ST7L: variants seen among roughly 807,000 people sequenced by gnomAD.
ST7L encodes suppressor of tumorigenicity 7 protein-like.
ST7L carries 57 observed loss-of-function variants against 72.5 expected under a neutral mutation model. The observed-to-expected ratio is 0.79, with a 90% CI of 0.64 to 0.98. The LOEUF (loss-of-function observed/expected upper bound fraction) is 0.98. ST7L is among the 50% of genes least tolerant of loss of function. ST7L has a pLI of 0.00. For missense variants in ST7L, 576 were observed against 672.2 expected (o/e 0.86, Z 1.58); for synonymous variants, 221 against 240.9 (o/e 0.92, Z 0.77).
Position 112,555,911 on chromosome 1 carries a change from T to G in ST7L, c.1353A>C (p.Arg451=). 1 of 1,611,950 alleles carries G rather than the reference T, an allele frequency of 6.2e-7. No individual in the cohort carries two copies. The highest frequency in any genetic ancestry group is 8.5e-7 in the Non-Finnish European group (1 of 1,178,860). Residue 451 remains arginine (R), a synonymous_variant, in exon 12 of 15, where the codon CGA becomes CGC. Coordinates refer to ENST00000358039, the MANE Select transcript of ST7L (RefSeq NM_017744.5). ...GTAACAGATTAAGAGCACCTTCTATTCGTTTCCAGTGCTGAAGATGAAAGA... is the reference window on the plus strand; with the variant it reads ...GTAACAGATTAAGAGCACCTTCTATGCGTTTCCAGTGCTGAAGATGAAAGA... ...YAFFHLQHWK[R]IEGALNLLQC...
intron 4 of ST7L, among the ~76,000 whole-genome samples, chr1:112,599,925 C>G (rs1667135577): frequency 6.6e-6 from 1 of 152,122 alleles, no homozygotes; most frequent in South Asian, 2.1e-4. Context: ...TAAACACAGG[C>G]TATGTGTGGT....
At chr1:112,615,343 A>G (rs140981188) in intron 2 of ST7L, among the ~76,000 whole-genome samples, 149 of 152,328 alleles carry the variant, frequency 9.8e-4, no homozygotes, top group African/African-American at 3.5e-3. Context: ...TTAAGTGTAC[A>G]TTCTGAACCA....
chr1:112,606,967 G>GGACACATTTCAGTCTACAACATGTT (rs1553257548), intron 3 of ST7L: 1 of 151,956 alleles, frequency 6.6e-6, no homozygotes. Flanking sequence ...GAATTTTGGG[G>GGACACATTTCAGTCTACAACATGTT]GACACATTTC....
chr1:112,611,643 T>C lies in ST7L; in HGVS notation c.289-640A>G, dbSNP rs534511135. On this transcript the variant is annotated intron_variant, in intron 2 of 14. Coordinates refer to ENST00000358039, the MANE Select transcript of ST7L (RefSeq NM_017744.5). The stretch of plus-strand genomic sequence containing the variant: ...CTATTTCCATGGTTTATCACTGATA[T>C]AAAAAGAGAAACCAGGCCAGACACG... 1.3e-4 allele frequency among the ~76,000 whole-genome samples: 20 copies of C among 152,202 alleles called. 1 individual carries two copies. The highest frequency in any genetic ancestry group is 3.9e-4 in the Admixed American group (6 of 15,274).
intron 11 of ST7L, among the ~76,000 whole-genome samples, chr1:112,565,277 C>T (rs1255077633): frequency 1.5e-5 from 2 of 136,640 alleles, no homozygotes; most frequent in African/African-American, 5.8e-5. Context: ...ACCATGTCGG[C>T]CAGGCTGGTC....
chr1:112,602,718 T>C (rs967402261), intron 3 of ST7L, among the ~76,000 whole-genome samples: 105 of 147,012 alleles, frequency 7.1e-4, no homozygotes, highest in African/African-American at 2.5e-3. Flanking sequence ...TCTTTCTTTT[T>C]TTTTTTTTTT....
At chr1:112,591,337 A>G (rs1307120712) in intron 6 of ST7L, 188 bp downstream of exon 6, 2 of 552,856 alleles carry the variant, frequency 3.6e-6, no homozygotes, top group African/African-American at 3.9e-5. Flanking sequence ...AAGCATATAT[A>G]GATTTACAAT....
chr1:112,536,204 T>C (rs1156321290), intron 14 of ST7L, among the ~76,000 whole-genome samples: 3 of 152,178 alleles, frequency 2.0e-5, no homozygotes, highest in Non-Finnish European at 4.4e-5. Context: ...AAAAGTCTCA[T>C]AGCTTTGAAA....
the ST7L span, chr1:112,518,301 T>A: frequency 6.6e-6 from 1 of 152,344 alleles, no homozygotes; most frequent in East Asian, 1.9e-4. Flanking sequence ...CTCTGGTTAT[T>A]GCTGTGGGGC....
At chr1:112,612,899 C>T (rs1239121214) in intron 2 of ST7L, among the ~76,000 whole-genome samples, 1 of 151,996 alleles carries the variant, frequency 6.6e-6, no homozygotes, top group Non-Finnish European at 1.5e-5. Flanking sequence ...GGGAGGATCA[C>T]TTGAGGCTGG....
intron 9 of ST7L, among the ~76,000 whole-genome samples, chr1:112,579,418 G>T (rs1209890211): frequency 6.7e-6 from 1 of 148,426 alleles, no homozygotes; most frequent in Non-Finnish European, 1.5e-5. Context: ...AAAAAAACCT[G>T]CTTATAGTAA....
intron 11 of ST7L, among the ~76,000 whole-genome samples, chr1:112,568,882 ATATAT>A (rs1202726294): frequency 7.9e-5 from 11 of 139,176 alleles, no homozygotes; most frequent in Middle Eastern, 3.7e-3. Flanking sequence ...ATATATATAT[ATATAT>A]AAAACAAAAA....
chr1:112,540,263 T>C (rs1446275549), intron 14 of ST7L: 1 of 985,418 alleles, frequency 1.0e-6, no homozygotes, highest in Non-Finnish European at 1.2e-6. Context: ...ATCTCTCCCA[T>C]TGCTTGCCTG....
At chr1:112,594,080 G>A (rs1183205692) in intron 5 of ST7L, among the ~76,000 whole-genome samples, 1 of 151,898 alleles carries the variant, frequency 6.6e-6, no homozygotes, top group East Asian at 1.9e-4. Context: ...AACTTCTAAA[G>A]CTTCAACTTT....
intron 10 of ST7L, among the ~76,000 whole-genome samples, chr1:112,577,590 A>G (rs901634121): frequency 1.3e-5 from 2 of 151,920 alleles, no homozygotes; most frequent in Admixed American, 1.3e-4. Context: ...GAAAAAACAA[A>G]GCAGCATAAG....
At chr1:112,530,478 G>T (rs535417344) in intron 14 of ST7L, among the ~76,000 whole-genome samples, 1 of 152,144 alleles carries the variant, frequency 6.6e-6, no homozygotes, top group African/African-American at 2.4e-5. Context: ...GCAGTGGCGT[G>T]ATCTTGGCTC....
intron 6 of ST7L, among the ~76,000 whole-genome samples, chr1:112,587,048 C>T (rs1370567876): frequency 6.6e-6 from 1 of 152,104 alleles, no homozygotes; most frequent in Non-Finnish European, 1.5e-5. Flanking sequence ...TTTTCTTTTG[C>T]TGCTTGTACT....
chr1:112,614,238 AAAAC>A (rs61698183), intron 2 of ST7L, among the ~76,000 whole-genome samples: 1 of 151,012 alleles, frequency 6.6e-6, no homozygotes, highest in Non-Finnish European at 1.5e-5. Context: ...TAGTTTCTTT[AAAAC>A]AAACAAACAA....
At chr1:112,543,001 T>C (rs995577774) in intron 13 of ST7L, among the ~76,000 whole-genome samples, 1 of 152,038 alleles carries the variant, frequency 6.6e-6, no homozygotes, top group Non-Finnish European at 1.5e-5. Context: ...GGTTTTGCCA[T>C]GTTGGCCAGG....
Sources: gnomAD v4.1 joint callset for allele counts (sites outside exome capture counted in the v4.1 genomes callset) on GRCh38, gnomAD v4.1.1 for gene constraint, MANE v1.5 for transcripts, NCBI Gene and HGNC (gene_info 2026-07-23, HGNC 2026-07-21) for gene names.